FBXL17: variants seen among roughly 807,000 people sequenced by gnomAD.
FBXL17 encodes the protein F-box/LRR-repeat protein 17.
In FBXL17, 22 loss-of-function variants were observed where a neutral mutation model predicts 66.2. The ratio of observed to expected loss-of-function variants is 0.33; its 90% CI spans 0.24 to 0.47. The LOEUF (loss-of-function observed/expected upper bound fraction) is 0.47, where lower values mean the gene tolerates loss of function less well. Among genes scored for constraint, FBXL17 ranks in the 20% least tolerant of loss-of-function variants. The pLI is 1.00. For synonymous variants in FBXL17, 474 were observed against 400.5 expected, an observed-to-expected ratio of 1.18 and a Z score of -2.19; for missense variants, 878 against 948.2, an observed-to-expected ratio of 0.93 and a Z score of 0.97.
rs1193807679 is a variant in FBXL17 at position 108,381,150 on chromosome 5, C to T, written c.542G>A (p.Gly181Glu). Residue 181 changes from glycine (G) to glutamate (E), a missense_variant, in exon 1 of 9, where the codon GGG becomes GAG. Gly to Glu is a moderately conservative substitution (Grantham distance 98). Around this residue, in one of 4 missense-constraint regions of FBXL17, gnomAD observed 605 missense variants for 509.5 expected, o/e 1.19. Coordinates refer to ENST00000542267, the MANE Select transcript of FBXL17 (RefSeq NM_001163315.3). The stretch of plus-strand genomic sequence containing the variant: ...GAGCTCGGCCGGTGACGGTGTCGGC[C>T]CCCGGAAGAGCTGCACGGCGGCGGG... ...GPPAAVQLFR[G>E]PTPSPAELPT... 35 of 1,403,670 alleles carry T rather than the reference C, an allele frequency of 2.5e-5. No homozygotes were observed. The highest frequency in any genetic ancestry group is 3.2e-5 in the Non-Finnish European group (35 of 1,081,520). The allele number at this position is 1,403,670 out of a possible 1,614,324, so 87.0% of individuals were successfully genotyped here. A position where few individuals can be genotyped will look rare whatever the true frequency, so the allele number is the denominator to read the frequency against.
intron 7 of FBXL17, among the ~76,000 whole-genome samples, chr5:107,896,615 C>T (rs993454059): frequency 1.3e-4 from 20 of 152,146 alleles, no homozygotes; most frequent in Non-Finnish European, 2.9e-4. Context: ...CCAGGAATAA[C>T]ATCATGGGAC....
intron 5 of FBXL17, among the ~76,000 whole-genome samples, chr5:108,188,500 G>A (rs1753330908): frequency 1.3e-5 from 2 of 152,176 alleles, no homozygotes; most frequent in Non-Finnish European, 2.9e-5. Context: ...CAGAACAGAG[G>A]CAGGTCAAGC....
At chr5:108,035,309 T>C (rs1409422566) in intron 6 of FBXL17, among the ~76,000 whole-genome samples, 2 of 152,200 alleles carry the variant, frequency 1.3e-5, no homozygotes, top group Non-Finnish European at 2.9e-5. Flanking sequence ...TGCCAAACAT[T>C]AATTATAAAA....
intron 6 of FBXL17, among the ~76,000 whole-genome samples, chr5:108,047,443 A>T (rs1387320768): frequency 6.6e-6 from 1 of 152,206 alleles, no homozygotes; most frequent in Middle Eastern, 3.2e-3. Context: ...AGGGGTGACC[A>T]GCACCAAAGC....
At position 108,177,911 on chromosome 5, in the gene FBXL17, GTA is replaced by G. The variant is rs70996985; in HGVS notation, c.1745+8204_1745+8205del. ...TTATCCTTGCTCCAGAAAAAAAAAT[GTA>G]TATATATATATATATATATACACAC... On this transcript the variant is annotated intron_variant, in intron 6 of 8. Coordinates refer to ENST00000542267, the MANE Select transcript of FBXL17 (RefSeq NM_001163315.3). Among the ~76,000 whole-genome samples, 139 of 115,130 alleles carry G rather than the reference GTA, an allele frequency of 1.2e-3. 8 individuals are homozygous for G. The highest frequency in any genetic ancestry group is 1.1e-3 in the Admixed American group (11 of 10,358). 75.5% of individuals were successfully genotyped at this position (115,130 alleles called of 152,430 possible).
At chr5:107,880,923 TATATATA>T in intron 8 of FBXL17, 107 bp downstream of exon 8, 5 of 1,510,360 alleles carry the variant, frequency 3.3e-6, no homozygotes, top group Middle Eastern at 2.0e-4. Context: ...ATATAAAATG[TATATATA>T]ATATATAATA....
chr5:108,181,783 T>G (rs1753012445), intron 6 of FBXL17, among the ~76,000 whole-genome samples: 1 of 152,102 alleles, frequency 6.6e-6, no homozygotes, highest in African/African-American at 2.4e-5. Flanking sequence ...ATAATGAGCT[T>G]AGTTAAAAAA....
At chr5:108,016,513 C>T (rs1054504320) in intron 7 of FBXL17, among the ~76,000 whole-genome samples, 1 of 152,134 alleles carries the variant, frequency 6.6e-6, no homozygotes, top group Admixed American at 6.5e-5. Context: ...AATGTGACAA[C>T]TCAGAAAGAA....
At chr5:108,360,166 G>A (rs1482905318) in intron 3 of FBXL17, among the ~76,000 whole-genome samples, 3 of 151,888 alleles carry the variant, frequency 2.0e-5, no homozygotes, top group African/African-American at 7.3e-5. Flanking sequence ...CCTCTATGTA[G>A]TTACTTTCAT....
intron 3 of FBXL17, among the ~76,000 whole-genome samples, chr5:108,364,290 T>C (rs547153396): frequency 5.3e-5 from 8 of 152,198 alleles, no homozygotes; most frequent in African/African-American, 1.7e-4. Flanking sequence ...TTGTACCAAA[T>C]AGAGGTAATT....
chr5:108,260,788 A>C (rs991725524), intron 4 of FBXL17, among the ~76,000 whole-genome samples: 1 of 152,166 alleles, frequency 6.6e-6, no homozygotes, highest in Non-Finnish European at 1.5e-5. Context: ...GGACCAAGAA[A>C]GATTCCGCTC....
At chr5:108,362,260 T>G (rs1224116179) in intron 3 of FBXL17, among the ~76,000 whole-genome samples, 2 of 152,172 alleles carry the variant, frequency 1.3e-5, no homozygotes, top group African/African-American at 4.8e-5. Context: ...GAAAAAAGCC[T>G]ACAGTGACTT....
At chr5:108,211,948 T>C (rs1166562153) in intron 5 of FBXL17, among the ~76,000 whole-genome samples, 1 of 152,220 alleles carries the variant, frequency 6.6e-6, no homozygotes, top group East Asian at 1.9e-4. Flanking sequence ...ATTCTCCCCA[T>C]CACCTTCAGG....
intron 7 of FBXL17, among the ~76,000 whole-genome samples, chr5:107,947,345 G>A (rs1473264981): frequency 1.3e-5 from 2 of 152,236 alleles, no homozygotes; most frequent in Admixed American, 6.5e-5. Flanking sequence ...GCCTTGCCTG[G>A]GCTGGGAGGT....
rs141111476 is a variant in FBXL17 at position 107,961,262 on chromosome 5, T to C, written c.1822+59663A>G. Among the ~76,000 whole-genome samples, 1,344 of 152,148 alleles carry C rather than the reference T, an allele frequency of 8.8e-3. 22 individuals carry two copies. Among genetic ancestry groups the C allele is most frequent in the African/African-American group, 0.031 (1,289 of 41,498 alleles). On this transcript the variant is annotated intron_variant, in intron 7 of 8. Transcript: ENST00000542267. ...GTTTTTGAGACAGGGTCTTGCTCTG[T>C]TGCCCAGGCTGGAGTGCACTGGTGC...
At chr5:107,879,680 T>C in intron 8 of FBXL17, 1 of 985,494 alleles carries the variant, frequency 1.0e-6, no homozygotes, top group Non-Finnish European at 1.2e-6. Flanking sequence ...ATTTAGAAGA[T>C]GCATGCCCTT....
At chr5:108,368,269 TA>T (rs901647924) in intron 1 of FBXL17, among the ~76,000 whole-genome samples, 64 of 141,626 alleles carry the variant, frequency 4.5e-4, no homozygotes, top group South Asian at 2.5e-3. Flanking sequence ...CAAAAACTAA[TA>T]AAAAAAAAAC....
intron 4 of FBXL17, among the ~76,000 whole-genome samples, chr5:108,305,430 C>T (rs1758791596): frequency 2.0e-5 from 3 of 151,808 alleles, no homozygotes; most frequent in Admixed American, 2.0e-4. Flanking sequence ...ATAGGTTTAC[C>T]TAAGTAACAA....
chr5:107,862,267 A>G (rs1355425748), intron 8 of FBXL17, among the ~76,000 whole-genome samples: 2 of 151,720 alleles, frequency 1.3e-5, no homozygotes, highest in East Asian at 3.9e-4. Context: ...GCCGGAGAGG[A>G]CACACTAGAT....
Sources: allele counts gnomAD v4.1 joint callset (sites outside exome capture counted in the v4.1 genomes callset), GRCh38; gene constraint gnomAD v4.1.1; regional missense constraint gnomAD v4.1.1; transcripts MANE v1.5; gene names NCBI Gene and HGNC (gene_info 2026-07-23, HGNC 2026-07-21).